Variants in EEIG1 observed in about 807,000 individuals in gnomAD.
EEIG1 encodes early estrogen-induced gene 1 protein.
the EEIG1 span, among the ~76,000 whole-genome samples, chr9:127,976,701 G>C: frequency 1.3e-5 from 2 of 152,184 alleles, no homozygotes; most frequent in South Asian, 4.1e-4. The surrounding 1 kb of genome is among the most constrained non-coding windows in gnomAD (Gnocchi z 4.1). Flanking sequence ...TCAGGCGAGC[G>C]GTGTACCCAG....
At chr9:127,962,050 T>G in the EEIG1 span, among the ~76,000 whole-genome samples, 11 of 152,112 alleles carry the variant, frequency 7.2e-5, no homozygotes, top group Admixed American at 6.5e-5. Context: ...ACTGCTCCGA[T>G]GGCACCCAGC....
At chr9:127,971,957 C>A in the EEIG1 span, among the ~76,000 whole-genome samples, 1 of 152,290 alleles carries the variant, frequency 6.6e-6, no homozygotes, top group Non-Finnish European at 1.5e-5. Context: ...GCCGACGAGG[C>A]CAGCCTGATG....
At chr9:127,974,373 C>T in the EEIG1 span, among the ~76,000 whole-genome samples, 688 of 152,332 alleles carry the variant, frequency 4.5e-3, 3 homozygotes, top group African/African-American at 0.015. Flanking sequence ...CTTACTCCAT[C>T]CCCTCCTCCA....
chr9:127,979,758 C>T, the EEIG1 span, among the ~76,000 whole-genome samples: 1 of 152,208 alleles, frequency 6.6e-6, no homozygotes. Flanking sequence ...GCAGGCGGCA[C>T]GCAGGGCCCC....
the EEIG1 span, among the ~76,000 whole-genome samples, chr9:127,962,927 C>T: frequency 2.6e-5 from 4 of 152,024 alleles, no homozygotes; most frequent in South Asian, 2.1e-4. Flanking sequence ...ACCTACTTAC[C>T]CTAATGTGGC....
chr9:127,942,974 T>C, the EEIG1 span: 1 of 595,700 alleles, frequency 1.7e-6, no homozygotes, highest in Admixed American at 2.7e-5. Flanking sequence ...GAGGAGAATA[T>C]TCACAGTGGT....
chr9:127,968,902 C>T, the EEIG1 span, among the ~76,000 whole-genome samples: 6 of 152,296 alleles, frequency 3.9e-5, no homozygotes, highest in Admixed American at 3.9e-4. Flanking sequence ...ACATGTGATT[C>T]CCTGAAGACT....
At chr9:127,971,554 G>A in the EEIG1 span, among the ~76,000 whole-genome samples, 1 of 140,136 alleles carries the variant, frequency 7.1e-6, no homozygotes, top group East Asian at 2.5e-4. Flanking sequence ...GGGCGGGGGG[G>A]CGGGTCCAGC....
chr9:127,950,360 T>G, the EEIG1 span: 12 of 1,535,004 alleles, frequency 7.8e-6, no homozygotes, highest in Non-Finnish European at 5.4e-6. Context: ...AGGATTCTGA[T>G]GAGCAGCCTG....
the EEIG1 span, among the ~76,000 whole-genome samples, chr9:127,962,913 C>A: frequency 1.3e-5 from 2 of 152,020 alleles, no homozygotes; most frequent in Admixed American, 1.3e-4. Flanking sequence ...TACTGCCCAC[C>A]ACCACCTACT....
chr9:127,958,541 T>A, the EEIG1 span, among the ~76,000 whole-genome samples: 1 of 152,008 alleles, frequency 6.6e-6, no homozygotes, highest in Non-Finnish European at 1.5e-5. Context: ...GGTGCATGCC[T>A]GTAGTCCCAG....
the EEIG1 span, among the ~76,000 whole-genome samples, chr9:127,968,497 G>A: frequency 2.2e-3 from 333 of 152,220 alleles, 9 homozygotes; most frequent in East Asian, 0.015. Context: ...CTGGGCACAC[G>A]GTAGGTCAGT....
chr9:127,970,692 G>A, the EEIG1 span, among the ~76,000 whole-genome samples: 1 of 152,104 alleles, frequency 6.6e-6, no homozygotes, highest in African/African-American at 2.4e-5. Flanking sequence ...CAGCTTCTGT[G>A]GCTCCCACCC....
chr9:127,942,093 C>T, the EEIG1 span: 97 of 152,854 alleles, frequency 6.3e-4, no homozygotes, highest in African/African-American at 2.2e-3. Flanking sequence ...GAGCCCTTCC[C>T]CCTTGCCCAG....
the EEIG1 span, chr9:127,948,256 G>A: frequency 3.1e-6 from 5 of 1,613,166 alleles, no homozygotes; most frequent in Non-Finnish European, 4.2e-6. Flanking sequence ...TGACTAGGGT[G>A]CCCTGCTTCA....
the EEIG1 span, among the ~76,000 whole-genome samples, chr9:127,957,431 G>A: frequency 6.6e-5 from 10 of 152,122 alleles, no homozygotes; most frequent in African/African-American, 2.4e-4. Flanking sequence ...ACATACTCCG[G>A]AAACTACAAA....
At chr9:127,946,314 C>G in the EEIG1 span, among the ~76,000 whole-genome samples, 4 of 152,324 alleles carry the variant, frequency 2.6e-5, no homozygotes, top group East Asian at 7.7e-4. Context: ...ACAGTCCTGT[C>G]CCAAGTCACC....
the EEIG1 span, among the ~76,000 whole-genome samples, chr9:127,974,326 G>A: frequency 6.6e-6 from 1 of 152,166 alleles, no homozygotes; most frequent in Admixed American, 6.5e-5. Context: ...TACTCCTGAG[G>A]CCAGGAACAC....
chr9:127,974,137 C>T, the EEIG1 span, among the ~76,000 whole-genome samples: 1 of 152,148 alleles, frequency 6.6e-6, no homozygotes, highest in African/African-American at 2.4e-5. Context: ...GTTGAGGAAG[C>T]CCACTTGCCC....
Sources: gnomAD v4.1 joint callset for allele counts (sites outside exome capture counted in the v4.1 genomes callset) on GRCh38, gnomAD v4.1.1 for gene constraint, Gnocchi (gnomAD v3.1) non-coding constraint, MANE v1.5 for transcripts, NCBI Gene and HGNC (gene_info 2026-07-23, HGNC 2026-07-21) for gene names.